Variants in FBXL2 observed in about 807,000 individuals in gnomAD.
The protein encoded by FBXL2 is F-box and leucine rich repeat protein 2, also known as F-box/LRR-repeat protein 2.
In FBXL2, 38 loss-of-function variants were observed where a neutral mutation model predicts 69.2. The ratio of observed to expected loss-of-function variants is 0.55; its 90% CI spans 0.42 to 0.72. The LOEUF (loss-of-function observed/expected upper bound fraction) is 0.72, where lower values mean the gene tolerates loss of function less well. Among genes scored for constraint, FBXL2 ranks in the 30% least tolerant of loss-of-function variants. FBXL2 has a pLI of 0.00. For synonymous variants in FBXL2, 192 were observed against 201.3 expected, an observed-to-expected ratio of 0.95 and a Z score of 0.39; for missense variants, 354 against 520.3, an observed-to-expected ratio of 0.68 and a Z score of 3.11.
chr3:33,277,594 G>T (rs1559474282), intron 1 of FBXL2, 79 bp downstream of exon 1: 3 of 1,234,018 alleles, frequency 2.4e-6, no homozygotes, highest in Non-Finnish European at 2.0e-6. Flanking sequence ...CGCCCGCTAG[G>T]GTCGGGCAGG....
Position 33,384,112 on chromosome 3 carries a change from C to T in FBXL2, c.1075C>T (p.Leu359=), listed in dbSNP as rs2043246577. The T allele has an allele frequency of 6.2e-7, 1 of 1,614,130 alleles. No individual in the cohort carries two copies. The highest frequency in any genetic ancestry group is 1.6e-4 in the Middle Eastern group (1 of 6,062). ...DNCLLITDVA[L]EHLENCRGLE... ...CTGCCTCCTCATCACTGATGTGGCC[C>T]TGGAACACCTAGAGAACTGCCGAGG... Residue 359 remains leucine (L), a synonymous_variant, in exon 14 of 15, where the codon CTG becomes TTG. Transcript: ENST00000484457.
intron 2 of FBXL2, among the ~76,000 whole-genome samples, chr3:33,319,086 G>A (rs1314948658): frequency 1.3e-5 from 2 of 152,146 alleles, no homozygotes; most frequent in African/African-American, 2.4e-5. Context: ...GTTTTAAGAC[G>A]TCACAGTCCT....
rs1158313400 is a variant in FBXL2, at chr3:33,378,701, T to C, written c.911T>C (p.Leu304Pro). The change falls in exon 13 of 15, where the codon CTC (leucine) becomes CCC (proline). Residue 304 changes from leucine to proline, a missense_variant. Coordinates refer to ENST00000484457, the MANE Select transcript of FBXL2 (RefSeq NM_012157.5). ...TCTCTCCAGATAACCGACAGCACAC[T>C]CATCCAGCTCTCCATTCACTGTCCT... ...EECILITDST[L>P]IQLSIHCPKL... 1 of 1,613,682 alleles carries C rather than the reference T, an allele frequency of 6.2e-7. No individual in the cohort carries two copies. The highest frequency in any genetic ancestry group is 2.2e-5 in the East Asian group (1 of 44,892).
chr3:33,401,168 G>GC (rs2044215073), intron 12 of FBXL2: 13 of 625,816 alleles, frequency 2.1e-5, no homozygotes, highest in Non-Finnish European at 2.9e-5. Flanking sequence ...AAATGCAAGC[G>GC]CAACAGCTTA....
At chr3:33,367,174 C>A (rs2042007567) in intron 5 of FBXL2, among the ~76,000 whole-genome samples, 1 of 151,924 alleles carries the variant, frequency 6.6e-6, no homozygotes, top group Non-Finnish European at 1.5e-5. Flanking sequence ...TGGCTCACTG[C>A]AACCTCAAAG....
chr3:33,385,830 A>G lies in FBXL2; in HGVS notation c.*222A>G, dbSNP rs2043394849. On this transcript the variant is annotated 3_prime_UTR_variant, in exon 15 of 15. Transcript: ENST00000484457. ...AAAGCCTTGTGTCAGTTAACACATG[A>G]CAAGTGGTCTCAATGCAGCTAGGAC... is the stretch of plus-strand genomic sequence containing the variant. 2 of 561,902 alleles carry G rather than the reference A, an allele frequency of 3.6e-6. No individual in the cohort carries two copies. Among genetic ancestry groups the G allele is most frequent in the Non-Finnish European group, 6.4e-6 (2 of 313,490 alleles). 34.8% of individuals were successfully genotyped at this position (561,902 alleles called of 1,614,324 possible). A position where few individuals can be genotyped will look rare whatever the true frequency, so the allele number is the denominator to read the frequency against.
chr3:33,371,534 T>A lies in FBXL2; in HGVS notation c.291-1558T>A, dbSNP rs1240830034. Among the ~76,000 whole-genome samples the A allele has an allele frequency of 5.3e-5, 8 of 151,932 alleles. No homozygotes were observed. In the East Asian group the frequency reaches 1.5e-3, roughly 29 times the overall value. ...TTTCCATGTGTCTACATAACATGTT[T>A]AATTGTTAGCTTCATAGAAATATAT... On this transcript the variant is annotated intron_variant, in intron 5 of 14. Coordinates refer to ENST00000484457, the MANE Select transcript of FBXL2 (RefSeq NM_012157.5).
At chr3:33,321,486 C>T (rs1039291306) in intron 2 of FBXL2, among the ~76,000 whole-genome samples, 4 of 152,142 alleles carry the variant, frequency 2.6e-5, no homozygotes, top group Admixed American at 6.5e-5. Flanking sequence ...CATCTACTCT[C>T]GTGAGATTGG....
intron 2 of FBXL2, among the ~76,000 whole-genome samples, chr3:33,351,244 A>T (rs2040810359): frequency 1.3e-5 from 2 of 152,130 alleles, no homozygotes; most frequent in Non-Finnish European, 2.9e-5. Context: ...CAGCCTGGGT[A>T]ACAGAGCAAG....
chr3:33,344,465 C>T (rs2040290228), intron 2 of FBXL2, among the ~76,000 whole-genome samples: 1 of 151,800 alleles, frequency 6.6e-6, no homozygotes, highest in South Asian at 2.1e-4. Context: ...TGGAACAATA[C>T]AATGGAAAAG....
intron 2 of FBXL2, among the ~76,000 whole-genome samples, chr3:33,317,280 TTGG>T (rs2037789919): frequency 6.6e-6 from 1 of 152,116 alleles, no homozygotes. Context: ...TCGCACCGTG[TTGG>T]TGATTATTCT....
At chr3:33,389,200 G>A (rs2043654645), downstream of FBXL2, 1 of 152,524 alleles carries the variant, frequency 6.6e-6, no homozygotes, top group South Asian at 2.1e-4. Context: ...GCTAGTATGT[G>A]GTGTATAAAA....
the FBXL2 span, among the ~76,000 whole-genome samples, chr3:33,418,794 G>A: frequency 6.7e-6 from 1 of 149,518 alleles, no homozygotes; most frequent in African/African-American, 2.5e-5. Context: ...GGGAGGCGGA[G>A]GTTGCAGTAA....
At chr3:33,381,026 A>G (rs911752013) in intron 13 of FBXL2, among the ~76,000 whole-genome samples, 1 of 152,194 alleles carries the variant, frequency 6.6e-6, no homozygotes, top group Non-Finnish European at 1.5e-5. Context: ...CTACGTTGTT[A>G]GTGTTAATAT....
intron 1 of FBXL2, among the ~76,000 whole-genome samples, chr3:33,286,839 G>T (rs111988463): frequency 0.099 from 15,029 of 152,276 alleles, 769 homozygotes; most frequent in African/African-American, 0.12. Context: ...CTCTGAGCCA[G>T]GCGCGGGATA....
chr3:33,308,776 G>A (rs574679666), intron 2 of FBXL2, among the ~76,000 whole-genome samples: 1 of 152,196 alleles, frequency 6.6e-6, no homozygotes, highest in East Asian at 1.9e-4. Flanking sequence ...CATCCTTAAA[G>A]TTTTGGTATG....
intron 1 of FBXL2, among the ~76,000 whole-genome samples, chr3:33,284,872 G>A (rs961089472): frequency 6.6e-6 from 1 of 152,094 alleles, no homozygotes; most frequent in African/African-American, 2.4e-5. Flanking sequence ...TGCAACCCCT[G>A]CTTTTTTTGT....
At chr3:33,317,464 AC>A (rs2037809580) in intron 2 of FBXL2, 1 of 456,398 alleles carries the variant, frequency 2.2e-6, no homozygotes, top group African/African-American at 2.0e-5. Flanking sequence ...ACTGTCTCTC[AC>A]CCCATATTCA....
rs1379723680 is a variant in FBXL2, at chr3:33,377,459, C to T, written c.849+126C>T. The stretch of plus-strand genomic sequence containing the variant: ...AAGACAGGCACAAAGTAGAGTAGAA[C>T]CCTTGGGGTGTGTACTGCAGTTTTT... On this transcript the variant is annotated intron_variant, in intron 11 of 14. Transcript: ENST00000484457. 8 of 875,236 alleles carry T rather than the reference C, an allele frequency of 9.1e-6. No homozygotes were observed. The South Asian group carries it at 9.9e-5, about 11-fold the overall frequency. The allele number at this position is 875,236 out of a possible 1,614,324, so 54.2% of individuals were successfully genotyped here. A position where few individuals can be genotyped will look rare whatever the true frequency, so the allele number is the denominator to read the frequency against.
Sources: allele counts gnomAD v4.1 joint callset (sites outside exome capture counted in the v4.1 genomes callset), GRCh38; gene constraint gnomAD v4.1.1; transcripts MANE v1.5; gene names NCBI Gene and HGNC (gene_info 2026-07-23, HGNC 2026-07-21).